Variants in FXR1 observed in about 807,000 individuals in gnomAD.
FXR1 encodes FMR1 autosomal homolog 1.
In FXR1, 15 loss-of-function variants were observed where a neutral mutation model predicts 84.0. That is an observed-to-expected ratio of 0.18 (90% CI 0.12 to 0.27). The LOEUF is 0.27. FXR1 is among the 10% of genes least tolerant of loss of function. The pLI is 1.00. For synonymous variants in FXR1, 245 were observed against 250.7 expected (o/e 0.98, Z 0.21); for missense variants, 480 against 774.4 (o/e 0.62, Z 4.51).
chr3:180,936,492 T>C (rs527392179), intron 3 of FXR1, among the ~76,000 whole-genome samples: 94 of 152,224 alleles, frequency 6.2e-4, no homozygotes, highest in African/African-American at 2.1e-3. Context: ...GGTCTTGAAC[T>C]CCTGACCTCA....
intron 3 of FXR1, among the ~76,000 whole-genome samples, chr3:180,939,997 C>A (rs1423985306): frequency 6.6e-6 from 1 of 152,162 alleles, no homozygotes; most frequent in Non-Finnish European, 1.5e-5. Flanking sequence ...CATTTTGTTA[C>A]ATTAAAAATA....
chr3:180,913,291 G>C (rs1377511809), intron 1 of FXR1, among the ~76,000 whole-genome samples: 2 of 152,228 alleles, frequency 1.3e-5, no homozygotes. Context: ...ACCGGATTGA[G>C]GGTTAGGATC....
chr3:180,952,226 G>A (rs1722293665), intron 8 of FXR1, among the ~76,000 whole-genome samples: 2 of 152,052 alleles, frequency 1.3e-5, no homozygotes, highest in African/African-American at 4.8e-5. Flanking sequence ...CCAAAGTGCC[G>A]GGACTATAGG....
At chr3:180,945,417 T>TC (rs1219060908) in intron 3 of FXR1, among the ~76,000 whole-genome samples, 3 of 152,096 alleles carry the variant, frequency 2.0e-5, no homozygotes, top group Admixed American at 6.5e-5. Flanking sequence ...ACCTTTTTTT[T>TC]CCCCCTGGAC....
At chr3:180,924,531 C>T (rs1170563326) in intron 1 of FXR1, among the ~76,000 whole-genome samples, 7 of 152,130 alleles carry the variant, frequency 4.6e-5, no homozygotes, top group African/African-American at 7.2e-5. Flanking sequence ...TGACTGTGGA[C>T]GTGTTGATTT....
At chr3:180,973,441 A>G (rs538599099) in intron 15 of FXR1, among the ~76,000 whole-genome samples, 6 of 152,332 alleles carry the variant, frequency 3.9e-5, no homozygotes, top group Non-Finnish European at 7.4e-5. Flanking sequence ...AGGCTTTCCA[A>G]TTAGATGTTT....
At chr3:180,915,700 A>G in intron 1 of FXR1, 1 of 698,784 alleles carries the variant, frequency 1.4e-6, no homozygotes, top group Non-Finnish European at 2.6e-6. Flanking sequence ...TTTGGCCGTA[A>G]GTGTGAATTG....
At chr3:180,925,134 G>A (rs994817222) in intron 1 of FXR1, among the ~76,000 whole-genome samples, 3 of 152,156 alleles carry the variant, frequency 2.0e-5, no homozygotes, top group East Asian at 3.9e-4. Context: ...GGGCTGAGGT[G>A]GGTGGATCAC....
intron 13 of FXR1, among the ~76,000 whole-genome samples, chr3:180,963,677 A>AT (rs1712431833): frequency 6.6e-6 from 1 of 152,258 alleles, no homozygotes; most frequent in Non-Finnish European, 1.5e-5. Context: ...TTAACACTTT[A>AT]TAAATGAACA....
In FXR1 at chr3:180,975,309, AC is replaced by A. The variant is rs1221013135; in HGVS notation, c.1604-3del. On this transcript the variant is annotated splice_region_variant and splice_polypyrimidine_tract_variant and intron_variant, in intron 15 of 16. Coordinates refer to ENST00000357559, the MANE Select transcript of FXR1 (RefSeq NM_005087.4). ...ACCTGTAATTTTTTTCTCATCTTTAACAGTCACAGTTGCAGATTATATTTCT... is the reference window on the plus strand; with the variant it reads ...ACCTGTAATTTTTTTCTCATCTTTAAAGTCACAGTTGCAGATTATATTTCT... The A allele has an allele frequency of 7.7e-7, 1 of 1,291,424 alleles. No individual in the cohort carries two copies. Among genetic ancestry groups the A allele is most frequent in the Non-Finnish European group, 1.1e-6 (1 of 919,042 alleles). The allele number at this position is 1,291,424 out of a possible 1,614,324, so 80.0% of individuals were successfully genotyped here.
chr3:180,948,202 G>A, intron 4 of FXR1, 145 bp from the exon 5 acceptor site: 7 of 651,818 alleles, frequency 1.1e-5, no homozygotes, highest in Non-Finnish European at 1.9e-5. Context: ...AGGCAAATCA[G>A]ATTGATGTAG....
intron 1 of FXR1, among the ~76,000 whole-genome samples, chr3:180,926,506 A>ATATATATATATATTTTT (rs72192827): frequency 1.1e-4 from 14 of 124,378 alleles, no homozygotes; most frequent in Admixed American, 1.7e-4. Flanking sequence ...ATATATATAT[A>ATATATATATATATTTTT]TTTTTTTTTC....
Position 180,962,053 on chromosome 3 carries a change from T to G in FXR1, c.1077+499T>G, listed in dbSNP as rs540946770. On this transcript the variant is annotated intron_variant, in intron 11 of 16. Transcript: ENST00000357559. Reference sequence around the variant, plus strand: ...ACCATTGTTAACAAAATAGTCTATTTGAGTTGATACATAAAGAGCAAGGGT... The same window carrying G: ...ACCATTGTTAACAAAATAGTCTATTGGAGTTGATACATAAAGAGCAAGGGT... 1.6e-4 allele frequency among the ~76,000 whole-genome samples: 25 copies of G among 152,356 alleles called. No individual in the cohort carries two copies. The South Asian group carries it at 4.1e-3, about 25-fold the overall frequency.
intron 1 of FXR1, among the ~76,000 whole-genome samples, chr3:180,926,508 T>TATATATATATA (rs1560164955): frequency 1.7e-5 from 2 of 116,762 alleles, no homozygotes; most frequent in Non-Finnish European, 4.0e-5. Context: ...ATATATATAT[T>TATATATATATA]TTTTTTTCTG....
chr3:180,929,894 T>C (rs1223810628), intron 1 of FXR1, among the ~76,000 whole-genome samples: 3 of 152,206 alleles, frequency 2.0e-5, no homozygotes, highest in Admixed American at 1.3e-4. Flanking sequence ...TTCACTACAG[T>C]CCAAATAGAT....
chr3:180,963,972 T>A (rs1712475149), intron 13 of FXR1, among the ~76,000 whole-genome samples: 1 of 152,174 alleles, frequency 6.6e-6, no homozygotes, highest in African/African-American at 2.4e-5. Context: ...ATGTAAGGCA[T>A]TTAAGGAAAA....
intron 15 of FXR1, 25 bp downstream of exon 15, chr3:180,970,383 A>AATAAATAAATATATAT (rs1713379006): frequency 2.7e-6 from 1 of 366,378 alleles, no homozygotes; most frequent in African/African-American, 3.0e-5. Flanking sequence ...AGGGAAGAGA[A>AATAAATAAATATATAT]ATATATATAT....
chr3:180,976,424 AAG>A lies in FXR1; in HGVS notation c.*133_*134del. ...TCAGTTCCTCCATTTGGAATTCAAA[AAG>A]GGGAGGGATCCTGAAGAAATCATAT... On this transcript the variant is annotated 3_prime_UTR_variant, in exon 17 of 17. Transcript: ENST00000357559. The A allele has an allele frequency of 1.7e-6, 1 of 586,974 alleles. No individual in the cohort carries two copies. Among genetic ancestry groups the A allele is most frequent in the Non-Finnish European group, 3.0e-6 (1 of 333,984 alleles). The allele number at this position is 586,974 out of a possible 1,614,324, so 36.4% of individuals were successfully genotyped here. A position where few individuals can be genotyped will look rare whatever the true frequency, so the allele number is the denominator to read the frequency against.
Position 180,948,954 on chromosome 3 carries a change from T to C in FXR1, c.513+140T>C. 8.0e-6 allele frequency: 5 copies of C among 627,744 alleles called. No homozygotes were observed. The South Asian group carries it at 8.2e-5, about 10-fold the overall frequency. The allele number at this position is 627,744 out of a possible 1,614,324, so 38.9% of individuals were successfully genotyped here. A position where few individuals can be genotyped will look rare whatever the true frequency, so the allele number is the denominator to read the frequency against. On this transcript the variant is annotated intron_variant, in intron 6 of 16. Coordinates refer to ENST00000357559, the MANE Select transcript of FXR1 (RefSeq NM_005087.4). ...ATATAGTGTGGGAGAAAAATTTGTTTGCAGCTATAAAATGTTAATTACATT... is the reference window on the plus strand; with the variant it reads ...ATATAGTGTGGGAGAAAAATTTGTTCGCAGCTATAAAATGTTAATTACATT...
Sources: allele counts gnomAD v4.1 joint callset (sites outside exome capture counted in the v4.1 genomes callset), GRCh38; gene constraint gnomAD v4.1.1; transcripts MANE v1.5; gene names NCBI Gene and HGNC (gene_info 2026-07-23, HGNC 2026-07-21).